Variants in COL11A1 observed in about 807,000 individuals in gnomAD.
COL11A1 encodes collagen type XI alpha 1 chain.
A neutral mutation model predicts 265.2 loss-of-function variants in COL11A1; 74 were observed. The ratio of observed to expected loss-of-function variants is 0.28; its 90% CI spans 0.23 to 0.34. The LOEUF is 0.34. Among genes scored for constraint, COL11A1 ranks in the 10% least tolerant of loss-of-function variants. The pLI is 1.00. For missense variants in COL11A1, 2,165 were observed against 2,263.6 expected, an observed-to-expected ratio of 0.96 and a Z score of 0.88; for synonymous variants, 816 against 727.6, an observed-to-expected ratio of 1.12 and a Z score of -1.96.
At chr1:102,956,475 G>T (rs1660382262) in intron 41 of COL11A1, among the ~76,000 whole-genome samples, 1 of 151,986 alleles carries the variant, frequency 6.6e-6, no homozygotes, top group Non-Finnish European at 1.5e-5. Flanking sequence ...ACTTATAGCA[G>T]CTTAAATAGT....
In COL11A1 at chr1:103,025,794, C is replaced by T. The variant is rs769233649; in HGVS notation, c.898-181G>A. 130 of 1,612,628 alleles carry T rather than the reference C, an allele frequency of 8.1e-5. 1 individual carries two copies. The highest frequency in any genetic ancestry group is 6.6e-5 in the South Asian group (6 of 91,072). On this transcript the variant is annotated intron_variant, in intron 6 of 66. Coordinates refer to ENST00000370096, the MANE Select transcript of COL11A1 (RefSeq NM_001854.4). ...GGATAGATCTTGATTGCTTTTTCTTCGCTACCTTTACCCCTAGTTTGGCTT... is the reference window on the plus strand; with the variant it reads ...GGATAGATCTTGATTGCTTTTTCTTTGCTACCTTTACCCCTAGTTTGGCTT...
chr1:102,898,078 G>T, intron 57 of COL11A1, 47 bp downstream of exon 57: 1 of 1,293,258 alleles, frequency 7.7e-7, no homozygotes, highest in Non-Finnish European at 1.1e-6. Flanking sequence ...AAACAATTTT[G>T]TTTTAGAAAT....
rs781542940 is a variant in COL11A1 at position 103,078,639 on chromosome 1, G to A, written c.488+19C>T. On this transcript the variant is annotated intron_variant, in intron 3 of 66. Transcript: ENST00000370096. ...ATGATTTTGGCATAGCTAAAACATT[G>A]TATTATTTTGTTACTTACTTCCCGT... is the stretch of plus-strand genomic sequence containing the variant. 6 of 1,598,278 alleles carry A rather than the reference G, an allele frequency of 3.8e-6. No individual in the cohort carries two copies. The highest frequency in any genetic ancestry group is 8.6e-7 in the Non-Finnish European group (1 of 1,166,190).
chr1:102,906,406 G>A (rs1653986046), intron 54 of COL11A1, among the ~76,000 whole-genome samples: 1 of 151,970 alleles, frequency 6.6e-6, no homozygotes. Context: ...TCAATTTTTG[G>A]GTTTACTTTT....
chr1:102,946,820 T>A (rs778926841), intron 42 of COL11A1, 29 bp downstream of exon 42: 5 of 1,522,954 alleles, frequency 3.3e-6, no homozygotes, highest in Middle Eastern at 1.7e-4. Context: ...GGTAGCAGCA[T>A]AATATATTTT....
At chr1:102,957,364 C>T (rs1478619508) in intron 41 of COL11A1, among the ~76,000 whole-genome samples, 2 of 152,054 alleles carry the variant, frequency 1.3e-5, no homozygotes, top group Non-Finnish European at 2.9e-5. Flanking sequence ...GCAAATATCA[C>T]TGTGAGCAAT....
chr1:102,944,740 A>G (rs911656167), intron 42 of COL11A1, among the ~76,000 whole-genome samples: 2 of 152,136 alleles, frequency 1.3e-5, no homozygotes, highest in African/African-American at 4.8e-5. Flanking sequence ...CATTCAATAT[A>G]TTATCTTCAC....
intron 38 of COL11A1, among the ~76,000 whole-genome samples, chr1:102,964,304 T>C (rs1416912370): frequency 1.3e-5 from 2 of 152,216 alleles, no homozygotes; most frequent in African/African-American, 4.8e-5. Context: ...AAAATAGTTA[T>C]AAAGTTGTTT....
intron 4 of COL11A1, among the ~76,000 whole-genome samples, chr1:103,052,927 TACAG>T (rs763580584): frequency 1.3e-5 from 2 of 152,122 alleles, no homozygotes; most frequent in Non-Finnish European, 2.9e-5. Context: ...ACCTGGTAAT[TACAG>T]ACAAACAAGA....
At chr1:103,003,743 C>G (rs1665343390) in intron 20 of COL11A1, among the ~76,000 whole-genome samples, 1 of 152,146 alleles carries the variant, frequency 6.6e-6, no homozygotes, top group Admixed American at 6.5e-5. Context: ...ATGCAGATTA[C>G]AGAAACCATT....
chr1:103,080,399 A>G (rs1672311832), intron 2 of COL11A1, among the ~76,000 whole-genome samples: 2 of 151,970 alleles, frequency 1.3e-5, no homozygotes, highest in South Asian at 4.1e-4. Context: ...TTAGAACAGG[A>G]GAAAATATTT....
chr1:102,967,752 C>T (rs992492922), intron 37 of COL11A1, among the ~76,000 whole-genome samples: 1 of 152,082 alleles, frequency 6.6e-6, no homozygotes, highest in Non-Finnish European at 1.5e-5. Context: ...TCATTAAATT[C>T]AACAGGAAGA....
At chr1:102,994,333 T>C (rs961185036) in intron 28 of COL11A1, among the ~76,000 whole-genome samples, 23 of 152,082 alleles carry the variant, frequency 1.5e-4, no homozygotes, top group African/African-American at 5.1e-4. Flanking sequence ...CATTGAATGG[T>C]TTAGCACCAT....
chr1:103,075,404 C>A (rs1463966942), intron 3 of COL11A1, among the ~76,000 whole-genome samples: 1 of 152,120 alleles, frequency 6.6e-6, no homozygotes, highest in African/African-American at 2.4e-5. Context: ...GACTGAGACA[C>A]AATATCTTTC....
chr1:102,912,020 C>T (rs1381548835), intron 54 of COL11A1, 139 bp downstream of exon 54: 3 of 710,766 alleles, frequency 4.2e-6, no homozygotes, highest in African/African-American at 3.6e-5. Context: ...TTATTTGGCA[C>T]ATTTAAAAAT....
At chr1:103,045,193 G>A (rs886583354) in intron 4 of COL11A1, among the ~76,000 whole-genome samples, 1 of 152,062 alleles carries the variant, frequency 6.6e-6, no homozygotes. Context: ...AGAGGCAGAG[G>A]GTGTGGTATG....
In COL11A1 at chr1:102,965,393, T is replaced by C. The variant is rs562477294; in HGVS notation, c.2916+94A>G. On this transcript the variant is annotated intron_variant, in intron 38 of 66. Coordinates refer to ENST00000370096, the MANE Select transcript of COL11A1 (RefSeq NM_001854.4). ...GAAATAAAAAATACATCATTTTGAA[T>C]CATAATAAATTTAGAAGATTTTACA... 4.3e-6 allele frequency: 5 copies of C among 1,163,348 alleles called. No individual in the cohort carries two copies. The African/African-American group carries it at 4.6e-5, about 11-fold the overall frequency. 72.1% of individuals were successfully genotyped at this position (1,163,348 alleles called of 1,614,324 possible). A position where few individuals can be genotyped will look rare whatever the true frequency, so the allele number is the denominator to read the frequency against.
intron 1 of COL11A1, among the ~76,000 whole-genome samples, chr1:103,101,172 G>T (rs1036769938): frequency 3.3e-5 from 5 of 151,940 alleles, no homozygotes; most frequent in Non-Finnish European, 7.4e-5. Context: ...AAGGTAAATG[G>T]AAATGGGCTT....
rs755987732 is a variant in COL11A1 at position 102,912,161 on chromosome 1, G to A, written c.4084C>T (p.Arg1362Ter). 5.6e-6 allele frequency: 9 copies of A among 1,609,816 alleles called. No homozygotes were observed. The highest frequency in any genetic ancestry group is 1.7e-5 in the Admixed American group (1 of 59,532). ...AATAAAGAATTAAAGAAACTTACTC[G>A]TTTTCCAGGAGGACCTGGTGGGCCA... is the stretch of plus-strand genomic sequence containing the variant. ...EAGPPGPPGK[R>*]GPPGAAGAEG... The change falls in exon 54 of 67, where the codon CGA becomes TGA. Residue 1362 changes from arginine to a stop codon, truncating the protein, a stop_gained and splice_region_variant. Transcript: ENST00000370096. LOFTEE classifies it high-confidence loss of function.
Sources: gnomAD v4.1 joint callset for allele counts (sites outside exome capture counted in the v4.1 genomes callset) on GRCh38, gnomAD v4.1.1 for gene constraint, MANE v1.5 for transcripts, NCBI Gene and HGNC (gene_info 2026-07-23, HGNC 2026-07-21) for gene names.